USP47: variants seen among roughly 807,000 people sequenced by gnomAD.
The protein encoded by USP47 is ubiquitin carboxyl-terminal hydrolase 47.
A neutral mutation model predicts 165.1 loss-of-function variants in USP47; 35 were observed. That is an observed-to-expected ratio of 0.21 (90% CI 0.16 to 0.28). The LOEUF is 0.28. Among genes scored for constraint, USP47 ranks in the 10% least tolerant of loss-of-function variants. The pLI is 1.00. For missense variants in USP47, 1,277 were observed against 1,607.4 expected (o/e 0.79, Z 3.52); for synonymous variants, 531 against 544.5 (o/e 0.98, Z 0.35).
intron 1 of USP47, among the ~76,000 whole-genome samples, chr11:11,867,700 A>C (rs1849772356): frequency 6.6e-6 from 1 of 152,174 alleles, no homozygotes; most frequent in African/African-American, 2.4e-5. Context: ...GTTTACACAC[A>C]GTGATTTTTT....
intron 2 of USP47, 95 bp downstream of exon 2, chr11:11,880,475 A>G: frequency 9.9e-7 from 1 of 1,013,254 alleles, no homozygotes; most frequent in Middle Eastern, 2.3e-4. Flanking sequence ...TCTTAAAATC[A>G]TAAACAAAAG....
intron 13 of USP47, among the ~76,000 whole-genome samples, chr11:11,930,451 A>G (rs1854586598): frequency 6.6e-6 from 1 of 152,178 alleles, no homozygotes; most frequent in South Asian, 2.1e-4. Flanking sequence ...AGACATTCCA[A>G]TACACAGTTT....
intron 3 of USP47, among the ~76,000 whole-genome samples, chr11:11,887,643 C>T (rs544797063): frequency 7.2e-5 from 11 of 152,254 alleles, no homozygotes; most frequent in Middle Eastern, 3.4e-3. Flanking sequence ...TTTAACACCC[C>T]ACTGACAGTA....
At chr11:11,898,525 G>T (rs1374123551) in intron 5 of USP47, among the ~76,000 whole-genome samples, 1 of 151,994 alleles carries the variant, frequency 6.6e-6, no homozygotes, top group Non-Finnish European at 1.5e-5. Context: ...AGAAGTTGAT[G>T]TATTTGTCAT....
chr11:11,848,386 T>C (rs1295856252), intron 1 of USP47, among the ~76,000 whole-genome samples: 1 of 152,240 alleles, frequency 6.6e-6, no homozygotes, highest in Admixed American at 6.5e-5. Context: ...CATAAGTCTT[T>C]GTGTGTTCAA....
chr11:11,884,935 G>A (rs1851057187), intron 3 of USP47, among the ~76,000 whole-genome samples: 1 of 152,162 alleles, frequency 6.6e-6, no homozygotes, highest in African/African-American at 2.4e-5. Context: ...TTGCTTGGTT[G>A]CTGTAAATCT....
At chr11:11,926,850 T>C (rs1270100552) in intron 11 of USP47, among the ~76,000 whole-genome samples, 3 of 151,616 alleles carry the variant, frequency 2.0e-5, no homozygotes, top group Non-Finnish European at 2.9e-5. Flanking sequence ...ATCTATAAAC[T>C]TTCCTCTTTT....
chr11:11,843,108 TATACCTTAAATAGAGACAAGTGTTGG>T (rs1311718673), intron 1 of USP47, among the ~76,000 whole-genome samples: 2 of 152,222 alleles, frequency 1.3e-5, no homozygotes, highest in African/African-American at 4.8e-5. Context: ...TTATTTCTCA[TATACCTTAAATAGAGACAAGTGTTGG>T]ATTGAAATTA....
intron 20 of USP47, 78 bp from the exon 21 acceptor site, chr11:11,947,867 G>A (rs72857637): frequency 0.15 from 223,531 of 1,445,960 alleles, 18,673 homozygotes; most frequent in Middle Eastern, 0.35. Context: ...GTAATAAAAA[G>A]TATATGATCT....
intron 1 of USP47, chr11:11,873,919 A>G (rs993691710): frequency 9.7e-7 from 1 of 1,030,272 alleles, no homozygotes; most frequent in Non-Finnish European, 1.3e-6. Flanking sequence ...ACAGCATGTT[A>G]GTATTTTTAT....
intron 1 of USP47, among the ~76,000 whole-genome samples, chr11:11,843,555 G>A (rs1848263675): frequency 6.6e-6 from 1 of 152,210 alleles, no homozygotes; most frequent in African/African-American, 2.4e-5. Flanking sequence ...ATGCAAGGAA[G>A]GAAGTGATAG....
chr11:11,948,361 T>C (rs949112446), intron 21 of USP47, 117 bp from the exon 22 acceptor site: 2 of 911,698 alleles, frequency 2.2e-6, no homozygotes, highest in African/African-American at 3.4e-5. Flanking sequence ...GTAAAAGATA[T>C]GCCTGTTCTC....
At chr11:11,930,816 C>A (rs1272424364) in intron 14 of USP47, 65 bp downstream of exon 14, 1 of 1,340,442 alleles carries the variant, frequency 7.5e-7, no homozygotes. Context: ...TGTAAGTTTG[C>A]AAACCCAGAT....
chr11:11,937,136 C>T (rs1242049822), intron 17 of USP47, among the ~76,000 whole-genome samples: 1 of 151,732 alleles, frequency 6.6e-6, no homozygotes, highest in Non-Finnish European at 1.5e-5. Context: ...CCCTAGTTTT[C>T]CCAGAGACAG....
chr11:11,951,732 G>C (rs918089620), intron 24 of USP47: 1 of 152,098 alleles, frequency 6.6e-6, no homozygotes, highest in African/African-American at 2.4e-5. Context: ...AAATTTAAAT[G>C]GTTGAAATTC....
intron 1 of USP47, among the ~76,000 whole-genome samples, chr11:11,864,606 C>T (rs1383978584): frequency 6.6e-6 from 1 of 151,848 alleles, no homozygotes; most frequent in Non-Finnish European, 1.5e-5. Context: ...GTGTAGATAT[C>T]TCATATAGTA....
intron 20 of USP47, among the ~76,000 whole-genome samples, chr11:11,946,017 T>C (rs116361681): frequency 0.011 from 1,657 of 151,664 alleles, 27 homozygotes; most frequent in African/African-American, 0.038. Flanking sequence ...AGGAAAATCA[T>C]AAATACATTT....
intron 18 of USP47, among the ~76,000 whole-genome samples, chr11:11,938,904 TG>T (rs1233372367): frequency 1.3e-5 from 2 of 149,616 alleles, no homozygotes; most frequent in Non-Finnish European, 2.9e-5. Context: ...AATTGTTAAA[TG>T]TTGGGGTAAA....
At chr11:11,936,531 T>G in intron 17 of USP47, 21 bp downstream of exon 17, 1 of 1,541,040 alleles carries the variant, frequency 6.5e-7, no homozygotes. Context: ...TTACACTATT[T>G]TTAGTTGTTC....
Sources: allele counts gnomAD v4.1 joint callset (sites outside exome capture counted in the v4.1 genomes callset), GRCh38; gene constraint gnomAD v4.1.1; transcripts MANE v1.5; gene names NCBI Gene and HGNC (gene_info 2026-07-23, HGNC 2026-07-21).